Variants in DYSF observed in about 807,000 individuals in gnomAD.
The protein encoded by DYSF is dystrophy-associated fer-1-like 1.
A neutral mutation model predicts 274.9 loss-of-function variants in DYSF; 212 were observed. That is an observed-to-expected ratio of 0.77 (90% CI 0.69 to 0.86). The LOEUF is 0.86. Among genes scored for constraint, DYSF ranks in the 40% least tolerant of loss-of-function variants. DYSF has a pLI of 0.00. For missense variants in DYSF, 2,666 were observed against 2,783.2 expected (o/e 0.96, Z 0.95); for synonymous variants, 1,091 against 1,078.7 (o/e 1.01, Z -0.22).
At chr2:71,585,731 C>A (rs763552283) in intron 30 of DYSF, among the ~76,000 whole-genome samples, 1 of 152,118 alleles carries the variant, frequency 6.6e-6, no homozygotes, top group Non-Finnish European at 1.5e-5. Context: ...ATGTGTTGAG[C>A]ACCTGCTGCC....
chr2:71,668,919 G>C (rs1406265517), intron 49 of DYSF, 77 bp downstream of exon 49: 1 of 1,489,938 alleles, frequency 6.7e-7, no homozygotes, highest in Non-Finnish European at 9.2e-7. Context: ...GGGACTAGGC[G>C]GTTGCTCTTT....
intron 29 of DYSF, among the ~76,000 whole-genome samples, chr2:71,571,811 C>T (rs1447723331): frequency 3.5e-5 from 5 of 144,222 alleles, no homozygotes; most frequent in Non-Finnish European, 7.6e-5. Context: ...ACAGCTCACA[C>T]CCAGCACACA....
At chr2:71,530,093 C>T (rs995487686) in intron 14 of DYSF, among the ~76,000 whole-genome samples, 4 of 142,314 alleles carry the variant, frequency 2.8e-5, no homozygotes, top group Non-Finnish European at 6.5e-5. Context: ...TGCAGATCCT[C>T]ACCTGAGTGC....
chr2:71,638,673 T>C (rs755767449), intron 41 of DYSF, among the ~76,000 whole-genome samples: 1 of 152,234 alleles, frequency 6.6e-6, no homozygotes, highest in Non-Finnish European at 1.5e-5. Flanking sequence ...CATTCCCTTT[T>C]TATTACCAAA....
chr2:71,516,697 T>C (rs183473204), intron 9 of DYSF, among the ~76,000 whole-genome samples: 6 of 152,356 alleles, frequency 3.9e-5, no homozygotes, highest in Admixed American at 2.6e-4. Context: ...TGCAGCCTAG[T>C]GGCTCTAAGT....
intron 17 of DYSF, among the ~76,000 whole-genome samples, chr2:71,541,746 AT>A (rs58599068): frequency 2.1e-4 from 31 of 151,170 alleles, no homozygotes; most frequent in African/African-American, 4.8e-4. Context: ...AACTCTATTA[AT>A]TTTTTTTTAA....
chr2:71,561,675 A>T, intron 22 of DYSF, 77 bp from the exon 23 acceptor site: 2 of 1,571,826 alleles, frequency 1.3e-6, no homozygotes, highest in South Asian at 2.2e-5. Context: ...TGCTGTGAGA[A>T]CCTGGCACAT....
intron 40 of DYSF, among the ~76,000 whole-genome samples, chr2:71,616,847 T>C (rs974114819): frequency 5.3e-5 from 8 of 152,246 alleles, no homozygotes; most frequent in African/African-American, 1.9e-4. Context: ...TTTCTCTTTC[T>C]GTCTCTGATT....
chr2:71,572,042 C>T (rs537862420), intron 29 of DYSF, among the ~76,000 whole-genome samples: 112 of 147,608 alleles, frequency 7.6e-4, no homozygotes, highest in African/African-American at 2.5e-3. Flanking sequence ...CTAGCACACC[C>T]ACAGATCACA....
At chr2:71,545,013 TC>T (rs1431684746) in intron 17 of DYSF, among the ~76,000 whole-genome samples, 1 of 152,140 alleles carries the variant, frequency 6.6e-6, no homozygotes, top group Non-Finnish European at 1.5e-5. Flanking sequence ...TTAAGTGCCC[TC>T]GAAGAGAAGG....
intron 47 of DYSF, 141 bp from the exon 48 acceptor site, chr2:71,667,235 G>A (rs1222604322): frequency 2.6e-6 from 3 of 1,143,022 alleles, no homozygotes; most frequent in Non-Finnish European, 3.9e-6. Flanking sequence ...CAGAAAAAGT[G>A]CATCTGTGCT....
intron 17 of DYSF, among the ~76,000 whole-genome samples, chr2:71,544,002 T>C (rs1254474364): frequency 6.7e-6 from 1 of 148,380 alleles, no homozygotes; most frequent in Non-Finnish European, 1.5e-5. Flanking sequence ...GCCTTCTTTT[T>C]TCCCTGTCAC....
At chr2:71,675,627 G>A (rs975560082) in intron 52 of DYSF, among the ~76,000 whole-genome samples, 2 of 152,134 alleles carry the variant, frequency 1.3e-5, no homozygotes. Context: ...CAAAAAGCGT[G>A]GCACCAAGTT....
chr2:71,563,230 C>G (rs557233703), intron 23 of DYSF, among the ~76,000 whole-genome samples: 1 of 152,330 alleles, frequency 6.6e-6, no homozygotes, highest in South Asian at 2.1e-4. Context: ...CTCCTAAGCT[C>G]TCAAAGCCTG....
At chr2:71,528,428 C>T in intron 14 of DYSF, 27 bp downstream of exon 14, 1 of 1,594,498 alleles carries the variant, frequency 6.3e-7, no homozygotes, top group Non-Finnish European at 8.6e-7. Flanking sequence ...CAGGAGGGTT[C>T]TCTCGGGAGG....
intron 3 of DYSF, among the ~76,000 whole-genome samples, chr2:71,493,851 C>CA (rs145288384): frequency 0.25 from 17,558 of 69,142 alleles, 3,576 homozygotes; most frequent in East Asian, 0.65. Context: ...TACTCTGTCT[C>CA]AAAAAAAAAA....
chr2:71,529,555 G>C (rs539481080), intron 14 of DYSF, among the ~76,000 whole-genome samples: 21 of 152,330 alleles, frequency 1.4e-4, no homozygotes, highest in Non-Finnish European at 1.8e-4. Flanking sequence ...TCACAACAGA[G>C]AGCCATAATG....
chr2:71,665,291 C>A lies in DYSF; in HGVS notation c.5304C>A (p.Ser1768=), dbSNP rs748704263. Residue 1768 remains serine, a synonymous_variant, in exon 47 of 56, where the codon TCC becomes TCA. Coordinates refer to ENST00000410020, the MANE Select transcript of DYSF (RefSeq NM_001130987.2). ...TAATGTTTCAGGATAAAGAATATTC[C>A]ATTGAAGAGATAGGTGAGCTGCCAC... ...DRVMFQDKEY[S]IEEIEAGRIP... 37 of 1,614,030 alleles carry A rather than the reference C, an allele frequency of 2.3e-5. No individual in the cohort carries two copies. In the Admixed American group the frequency reaches 3.0e-4, roughly 13 times the overall value.
intron 1 of DYSF, among the ~76,000 whole-genome samples, chr2:71,458,257 C>T (rs1026620878): frequency 6.6e-6 from 1 of 152,204 alleles, no homozygotes; most frequent in Admixed American, 6.5e-5. Flanking sequence ...ATAATTATTA[C>T]ATATACTTTT....
Sources: gnomAD v4.1 joint callset for allele counts (sites outside exome capture counted in the v4.1 genomes callset) on GRCh38, gnomAD v4.1.1 for gene constraint, MANE v1.5 for transcripts, NCBI Gene and HGNC (gene_info 2026-07-23, HGNC 2026-07-21) for gene names.